Variants in PCDH9 observed in about 807,000 individuals in gnomAD.
The protein encoded by PCDH9 is protocadherin-9.
In PCDH9, 24 loss-of-function variants were observed where a neutral mutation model predicts 70.6. The ratio of observed to expected loss-of-function variants is 0.34; its 90% CI spans 0.25 to 0.48. The LOEUF is 0.48. Ranked by LOEUF, PCDH9 falls within the 20% of genes least tolerant of loss-of-function variation. PCDH9 has a pLI of 0.99. For synonymous variants in PCDH9, 562 were observed against 558.5 expected (o/e 1.01, Z -0.09); for missense variants, 1,281 against 1,503.6 (o/e 0.85, Z 2.45).
intron 3 of PCDH9, among the ~76,000 whole-genome samples, chr13:66,745,752 T>A (rs1461704268): frequency 6.6e-6 from 1 of 152,212 alleles, no homozygotes. Flanking sequence ...TGTATATTTT[T>A]TTTAATGTGT....
intron 3 of PCDH9, among the ~76,000 whole-genome samples, chr13:66,641,880 G>A (rs1296162289): frequency 2.0e-5 from 3 of 152,112 alleles, no homozygotes; most frequent in South Asian, 2.1e-4. Flanking sequence ...TGTGAAAAAT[G>A]TTTGTATTGT....
At chr13:67,163,604 G>A (rs2088024014) in intron 2 of PCDH9, among the ~76,000 whole-genome samples, 1 of 152,104 alleles carries the variant, frequency 6.6e-6, no homozygotes, top group Non-Finnish European at 1.5e-5. Context: ...ACAATTTCTG[G>A]TTTTAGTTAA....
chr13:66,518,279 C>A (rs1213703012), intron 4 of PCDH9, among the ~76,000 whole-genome samples: 2 of 152,054 alleles, frequency 1.3e-5, no homozygotes, highest in African/African-American at 4.8e-5. Flanking sequence ...CTAAGCCATT[C>A]ATGAAGGATC....
At chr13:66,579,853 A>G (rs2076865917) in intron 4 of PCDH9, among the ~76,000 whole-genome samples, 1 of 152,068 alleles carries the variant, frequency 6.6e-6, no homozygotes, top group Non-Finnish European at 1.5e-5. Flanking sequence ...GTTCTTAACT[A>G]TTAAGTTAGA....
intron 2 of PCDH9, among the ~76,000 whole-genome samples, chr13:66,979,492 C>A (rs1173687834): frequency 1.3e-5 from 2 of 152,054 alleles, no homozygotes; most frequent in Non-Finnish European, 2.9e-5. Context: ...GAGCCCATTC[C>A]CTTTGTTCCA....
chr13:66,453,704 C>A (rs1367405782), intron 4 of PCDH9, among the ~76,000 whole-genome samples: 1 of 152,134 alleles, frequency 6.6e-6, no homozygotes, highest in Non-Finnish European at 1.5e-5. Context: ...TAGTATAAGG[C>A]CCAGGCTGGA....
At chr13:66,686,667 T>C (rs1293264743) in intron 3 of PCDH9, among the ~76,000 whole-genome samples, 2 of 152,150 alleles carry the variant, frequency 1.3e-5, no homozygotes, top group Non-Finnish European at 2.9e-5. Context: ...TCTAACCATT[T>C]TTTACTTCCT....
At chr13:67,192,969 C>A (rs1193426591) in intron 2 of PCDH9, among the ~76,000 whole-genome samples, 2 of 152,126 alleles carry the variant, frequency 1.3e-5, no homozygotes, top group Non-Finnish European at 2.9e-5. Context: ...TGTTGGCAAG[C>A]ACCTTAGTCC....
chr13:66,806,192 T>C (rs2139350679), intron 3 of PCDH9, among the ~76,000 whole-genome samples: 1 of 152,282 alleles, frequency 6.6e-6, no homozygotes, highest in African/African-American at 2.4e-5. Flanking sequence ...TCAAAACTTA[T>C]TTTATATCCC....
At chr13:66,326,527 T>A (rs1237132650) in intron 4 of PCDH9, among the ~76,000 whole-genome samples, 1 of 151,870 alleles carries the variant, frequency 6.6e-6, no homozygotes, top group Non-Finnish European at 1.5e-5. Flanking sequence ...TACGCCATTC[T>A]CCTGCCTCAG....
At chr13:66,436,022 T>TA (rs1306982967) in intron 4 of PCDH9, among the ~76,000 whole-genome samples, 7 of 151,446 alleles carry the variant, frequency 4.6e-5, no homozygotes, top group Non-Finnish European at 1.0e-4. Context: ...CTCTTTTTTT[T>TA]AAAAAAAAGT....
intron 3 of PCDH9, among the ~76,000 whole-genome samples, chr13:66,882,250 G>T (rs2081934156): frequency 1.3e-5 from 2 of 152,120 alleles, no homozygotes; most frequent in South Asian, 4.1e-4. Flanking sequence ...AAATTGAAAT[G>T]CTTGATTGTC....
intron 3 of PCDH9, among the ~76,000 whole-genome samples, chr13:66,719,836 T>G (rs1466825027): frequency 1.3e-5 from 2 of 152,182 alleles, no homozygotes; most frequent in Admixed American, 1.3e-4. Context: ...ATCCAAGTCA[T>G]TTTATAAGTA....
intron 4 of PCDH9, among the ~76,000 whole-genome samples, chr13:66,528,498 T>C (rs1249269619): frequency 6.6e-6 from 1 of 152,152 alleles, no homozygotes; most frequent in African/African-American, 2.4e-5. Context: ...AGCAGTACAG[T>C]ATCAACTACT....
intron 4 of PCDH9, among the ~76,000 whole-genome samples, chr13:66,600,765 CGTGTGT>C (rs10579707): frequency 0.058 from 7,645 of 132,754 alleles, 1,003 homozygotes; most frequent in Non-Finnish European, 0.084. Flanking sequence ...TAATTAAGAA[CGTGTGT>C]GTGTGTGTGT....
chr13:67,059,656 C>T (rs2085498118), intron 2 of PCDH9, among the ~76,000 whole-genome samples: 1 of 151,192 alleles, frequency 6.6e-6, no homozygotes, highest in African/African-American at 2.4e-5. Flanking sequence ...TAAACACGTG[C>T]CTAATCATAT....
intron 3 of PCDH9, among the ~76,000 whole-genome samples, chr13:66,667,413 T>A (rs888169543): frequency 6.6e-6 from 1 of 152,300 alleles, no homozygotes; most frequent in Non-Finnish European, 1.5e-5. Context: ...GTTTACACAA[T>A]CTTAAAATTT....
intron 4 of PCDH9, among the ~76,000 whole-genome samples, chr13:66,342,985 C>T (rs1323775822): frequency 1.3e-5 from 2 of 151,986 alleles, no homozygotes; most frequent in Non-Finnish European, 2.9e-5. Context: ...AACCTTCTGA[C>T]ATGCTATTTT....
At chr13:67,078,321 C>A (rs892430181) in intron 2 of PCDH9, among the ~76,000 whole-genome samples, 2 of 152,162 alleles carry the variant, frequency 1.3e-5, no homozygotes, top group African/African-American at 4.8e-5. Context: ...TCTATCCAAT[C>A]CTTCCTTGCC....
Sources: gnomAD v4.1 joint callset for allele counts (sites outside exome capture counted in the v4.1 genomes callset) on GRCh38, gnomAD v4.1.1 for gene constraint, MANE v1.5 for transcripts, NCBI Gene and HGNC (gene_info 2026-07-23, HGNC 2026-07-21) for gene names.